The following SMOC2 variants were observed in gnomAD, a reference collection of about 807,000 sequenced individuals.
SMOC2 encodes the protein SPARC related modular calcium binding 2, also known as SPARC-related modular calcium-binding protein 2.
A neutral mutation model predicts 61.4 loss-of-function variants in SMOC2; 39 were observed. The observed-to-expected ratio is 0.64, with a 90% confidence interval of 0.49 to 0.83. The LOEUF (loss-of-function observed/expected upper bound fraction) is 0.83, where lower values mean the gene tolerates loss of function less well. Ranked by LOEUF, SMOC2 falls within the 40% of genes least tolerant of loss-of-function variation. SMOC2 has a pLI of 0.00. For missense variants in SMOC2, 556 were observed against 592.9 expected, an observed-to-expected ratio of 0.94 and a Z score of 0.65; for synonymous variants, 247 against 239.9, an observed-to-expected ratio of 1.03 and a Z score of -0.27.
intron 6 of SMOC2, among the ~76,000 whole-genome samples, chr6:168,548,421 G>T (rs1421161603): frequency 7.4e-5 from 11 of 148,744 alleles, no homozygotes; most frequent in Middle Eastern, 3.2e-3. Context: ...ACAATGATGC[G>T]ATCTCAGCTC....
In SMOC2 at chr6:168,598,679, C is replaced by G. The variant is rs374112650; in HGVS notation, c.638-139C>G. 5.4e-6 allele frequency: 5 copies of G among 932,948 alleles called. No individual in the cohort carries two copies. In the East Asian group the frequency reaches 9.6e-5, roughly 18 times the overall value. 57.8% of individuals were successfully genotyped at this position (932,948 alleles called of 1,614,324 possible). A position where few individuals can be genotyped will look rare whatever the true frequency, so the allele number is the denominator to read the frequency against. On this transcript the variant is annotated intron_variant, in intron 7 of 12. Coordinates refer to ENST00000356284, the MANE Select transcript of SMOC2 (RefSeq NM_001166412.2). ...GGTTCTGCCTCTCCTGCTGTGCCCC[C>G]CACGCTGGCAGGCCCTCCTGCTCCG...
intron 1 of SMOC2, among the ~76,000 whole-genome samples, chr6:168,507,373 A>T (rs530657779): frequency 2.0e-5 from 3 of 152,344 alleles, no homozygotes; most frequent in African/African-American, 7.2e-5. Context: ...CTGCAGGTTC[A>T]TGTTTTCTTT....
At chr6:168,526,204 G>T in intron 2 of SMOC2, 142 bp from the exon 3 acceptor site, 1 of 680,342 alleles carries the variant, frequency 1.5e-6, no homozygotes, top group South Asian at 1.8e-5. Flanking sequence ...TCTGAGAGCT[G>T]AGCTGCCTGT....
Position 168,598,990 on chromosome 6 carries a change from C to T in SMOC2, c.810C>T (p.Pro270=), listed in dbSNP as rs41266325. 0.032 allele frequency: 51,304 copies of T among 1,605,598 alleles called. 1,001 individuals are homozygous for T. The highest frequency in any genetic ancestry group is 0.037 in the South Asian group (3,308 of 90,418). ...CVLVDTGRPI[P]GTSTRYEQPK... ...TGGTGGACACGGGGCGCCCCATTCC[C>T]GGCACATCCACAAGGTAAATAGGGT... Residue 270 remains proline (P), a synonymous_variant, in exon 8 of 13, where the codon CCC becomes CCT. Coordinates refer to ENST00000356284, the MANE Select transcript of SMOC2 (RefSeq NM_001166412.2).
At chr6:168,509,861 T>C (rs1782964072) in intron 1 of SMOC2, 54 bp from the exon 2 acceptor site, 1 of 1,541,978 alleles carries the variant, frequency 6.5e-7, no homozygotes, top group Non-Finnish European at 8.8e-7. Flanking sequence ...TGTTTTCTGC[T>C]GCTCTGAAGA....
At chr6:168,655,619 G>A (rs1787302117) in intron 11 of SMOC2, 1 of 339,718 alleles carries the variant, frequency 2.9e-6, no homozygotes, top group African/African-American at 2.1e-5. Context: ...CTGCACATGT[G>A]TGCTGGATCC....
intron 1 of SMOC2, among the ~76,000 whole-genome samples, chr6:168,465,861 G>A: frequency 8.4e-6 from 1 of 118,602 alleles, no homozygotes. Flanking sequence ...GCGACGTGCT[G>A]CTCTGAGAGC....
At chr6:168,605,031 G>T (rs1785652004) in intron 8 of SMOC2, among the ~76,000 whole-genome samples, 1 of 152,182 alleles carries the variant, frequency 6.6e-6, no homozygotes. Context: ...GTAGAGTCCA[G>T]GTGGGAGCCG....
chr6:168,494,200 G>T (rs1333958053), intron 1 of SMOC2, among the ~76,000 whole-genome samples: 1 of 152,198 alleles, frequency 6.6e-6, no homozygotes, highest in Non-Finnish European at 1.5e-5. Context: ...CATTCTTCAT[G>T]ACATGGCAAA....
chr6:168,470,075 A>G (rs989500345), intron 1 of SMOC2, among the ~76,000 whole-genome samples: 1 of 152,192 alleles, frequency 6.6e-6, no homozygotes, highest in African/African-American at 2.4e-5. Flanking sequence ...AATTGCCCAC[A>G]AGGCTGGATA....
intron 9 of SMOC2, among the ~76,000 whole-genome samples, chr6:168,612,648 C>T (rs1785910989): frequency 6.6e-6 from 1 of 152,264 alleles, no homozygotes; most frequent in Admixed American, 6.5e-5. Flanking sequence ...CTCAGGGCCC[C>T]TTCTGCTGAG....
rs570501890 is a variant in SMOC2 at position 168,531,205 on chromosome 6, AG to A, written c.463+3484del. Among the ~76,000 whole-genome samples, 565 of 152,182 alleles carry A rather than the reference AG, an allele frequency of 3.7e-3. 2 individuals carry two copies. The highest frequency in any genetic ancestry group is 5.5e-3 in the Non-Finnish European group (372 of 67,980). On this transcript the variant is annotated intron_variant, in intron 4 of 12. Transcript: ENST00000356284. ...CGGTTGCTTGCATGCGGTGGAGAGCAGGGGGGTCAATTTTGTGATTGCAGAG... is the reference window on the plus strand; with the variant it reads ...CGGTTGCTTGCATGCGGTGGAGAGCAGGGGGTCAATTTTGTGATTGCAGAG...
At chr6:168,521,766 T>C (rs1049394701) in intron 2 of SMOC2, among the ~76,000 whole-genome samples, 9 of 152,120 alleles carry the variant, frequency 5.9e-5, no homozygotes, top group Non-Finnish European at 1.2e-4. Context: ...TCCCAGCTAC[T>C]GGGCAGGCTG....
At chr6:168,441,995 C>T (rs1781222086) in intron 1 of SMOC2, among the ~76,000 whole-genome samples, 1 of 152,216 alleles carries the variant, frequency 6.6e-6, no homozygotes, top group Non-Finnish European at 1.5e-5. Context: ...GTGCGCCGCG[C>T]GGATCCCGGG....
chr6:168,628,252 C>T (rs1445915526), intron 9 of SMOC2, among the ~76,000 whole-genome samples: 1 of 152,226 alleles, frequency 6.6e-6, no homozygotes, highest in Non-Finnish European at 1.5e-5. Flanking sequence ...TCGAGACATA[C>T]ACTTTCTTGA....
intron 1 of SMOC2, among the ~76,000 whole-genome samples, chr6:168,474,494 G>A (rs761247531): frequency 4.6e-5 from 7 of 152,086 alleles, no homozygotes; most frequent in Non-Finnish European, 1.0e-4. Flanking sequence ...TGGTCTGGCC[G>A]CTTGGTTCTG....
rs10085206 is a variant in SMOC2 at position 168,481,244 on chromosome 6, T to C, written c.85-28671T>C. Among the ~76,000 whole-genome samples, 636 of 152,266 alleles carry C rather than the reference T, an allele frequency of 4.2e-3. 7 individuals are homozygous for C. The highest frequency in any genetic ancestry group is 0.014 in the African/African-American group (597 of 41,572). ...TGTTTCCTACACAATTTGAGACTAA[T>C]ACACTTAAAGAAATTATTACTTAAT... On this transcript the variant is annotated intron_variant, in intron 1 of 12. Transcript: ENST00000356284.
chr6:168,479,562 G>A (rs908657546), intron 1 of SMOC2, among the ~76,000 whole-genome samples: 6 of 152,204 alleles, frequency 3.9e-5, no homozygotes, highest in African/African-American at 1.2e-4. Context: ...GGACAGTAAA[G>A]TGTGGTTAAT....
At chr6:168,542,369 G>A (rs889446777) in intron 4 of SMOC2, among the ~76,000 whole-genome samples, 6 of 152,218 alleles carry the variant, frequency 3.9e-5, no homozygotes, top group African/African-American at 1.2e-4. Flanking sequence ...TAACAGCTGG[G>A]AAAGAGAGAA....
Sources: allele counts gnomAD v4.1 joint callset (sites outside exome capture counted in the v4.1 genomes callset), GRCh38; gene constraint gnomAD v4.1.1; transcripts MANE v1.5; gene names NCBI Gene and HGNC (gene_info 2026-07-23, HGNC 2026-07-21).